Variants in GDA observed in about 807,000 individuals in gnomAD.
The protein encoded by GDA is guanine deaminase, also known as cytoplasmic PSD-95 interactor.
GDA carries 18 observed loss-of-function variants against 59.6 expected under a neutral mutation model. That is an observed-to-expected ratio of 0.30 (90% CI 0.21 to 0.45). The LOEUF is 0.45. Ranked by LOEUF, GDA falls within the 20% of genes least tolerant of loss-of-function variation. The pLI is 1.00. For missense variants in GDA, 427 were observed against 552.3 expected (o/e 0.77, Z 2.27); for synonymous variants, 201 against 201.1 (o/e 1.00, Z 0.00).
At chr9:72,223,793 C>T (rs1051826452) in intron 7 of GDA, among the ~76,000 whole-genome samples, 1 of 152,114 alleles carries the variant, frequency 6.6e-6, no homozygotes, top group South Asian at 2.1e-4. Context: ...AAGCTTATAT[C>T]TGGGTTAAAA....
Position 72,241,230 on chromosome 9 carries a change from A to T in GDA, c.1067A>T (p.Asn356Ile). 1 of 1,610,244 alleles carries T rather than the reference A, an allele frequency of 6.2e-7. No individual in the cohort carries two copies. Among genetic ancestry groups the T allele is most frequent in the Non-Finnish European group, 8.5e-7 (1 of 1,176,808 alleles). Reference sequence around the variant, plus strand: ...ATGGTTTCCAATATCCTTTTAATTAATAAGGTAAATGAGAAAAGCCTCACC... The same window carrying T: ...ATGGTTTCCAATATCCTTTTAATTATTAAGGTAAATGAGAAAAGCCTCACC... ...AVMVSNILLI[N>I]KVNEKSLTLK... Residue 356 changes from asparagine to isoleucine, a missense_variant, in exon 11 of 14, where the codon AAT (asparagine) becomes ATT (isoleucine). Coordinates refer to ENST00000358399, the MANE Select transcript of GDA (RefSeq NM_004293.5).
chr9:72,146,119 C>G (rs908381543), upstream of GDA, among the ~76,000 whole-genome samples: 3 of 133,548 alleles, frequency 2.2e-5, no homozygotes, highest in Non-Finnish European at 4.6e-5. Context: ...GTAAAGATAT[C>G]CTGGATAAAG....
Position 72,250,659 on chromosome 9 carries a change from A to G in GDA, c.*2317A>G. 6.2e-7 allele frequency: 1 copy of G among 1,607,166 alleles called. No homozygotes were observed. Among genetic ancestry groups the G allele is most frequent in the Admixed American group, 1.7e-5 (1 of 59,682 alleles). On this transcript the variant is annotated 3_prime_UTR_variant, in exon 14 of 14. Transcript: ENST00000358399. ...GCACTTTGAAATGTTGCCTTTGCCT[A>G]ATGTAGGTTGACTTTCTGAATTGTG...
downstream of GDA, among the ~76,000 whole-genome samples, chr9:72,259,684 T>C (rs1011217458): frequency 1.3e-5 from 2 of 152,000 alleles, no homozygotes; most frequent in African/African-American, 4.8e-5. Context: ...CTGCCCCAAT[T>C]ATTATAGCAA....
intron 1 of GDA, among the ~76,000 whole-genome samples, chr9:72,137,153 TA>T (rs1348724203): frequency 1.3e-5 from 2 of 150,958 alleles, no homozygotes; most frequent in African/African-American, 4.9e-5. Flanking sequence ...GAGTGAAATT[TA>T]AGATCCTTTA....
intron 1 of GDA, among the ~76,000 whole-genome samples, chr9:72,167,060 G>A (rs575218297): frequency 6.6e-6 from 1 of 152,168 alleles, no homozygotes; most frequent in East Asian, 1.9e-4. Flanking sequence ...TTGTTTGTTT[G>A]TTTTTGGATA....
At chr9:72,146,723 C>G (rs1202634342), upstream of GDA, among the ~76,000 whole-genome samples, 1 of 152,148 alleles carries the variant, frequency 6.6e-6, no homozygotes, top group African/African-American at 2.4e-5. Context: ...AACTCCTCAC[C>G]TCAAGTGATC....
intron 2 of GDA, among the ~76,000 whole-genome samples, chr9:72,196,523 G>A (rs1833202860): frequency 6.6e-6 from 1 of 150,842 alleles, no homozygotes; most frequent in South Asian, 2.1e-4. Flanking sequence ...TCATAGCCTG[G>A]TTGATATGCT....
chr9:72,150,728 G>C (rs1369388264), intron 1 of GDA, among the ~76,000 whole-genome samples: 1 of 152,176 alleles, frequency 6.6e-6, no homozygotes, highest in Non-Finnish European at 1.5e-5. Flanking sequence ...TTTGAATCGT[G>C]ACTCTTACAT....
chr9:72,162,916 C>G (rs1828832405), intron 1 of GDA, among the ~76,000 whole-genome samples: 2 of 152,304 alleles, frequency 1.3e-5, no homozygotes, highest in South Asian at 2.1e-4. Flanking sequence ...CTCGGCCTCC[C>G]AAAGTGCTGG....
chr9:72,210,065 C>G (rs1835174561), intron 3 of GDA, among the ~76,000 whole-genome samples: 1 of 152,202 alleles, frequency 6.6e-6, no homozygotes, highest in Non-Finnish European at 1.5e-5. Flanking sequence ...AGGGTTTAAT[C>G]ATACCTGCAT....
intron 1 of GDA, among the ~76,000 whole-genome samples, chr9:72,190,475 A>C (rs1832398912): frequency 6.6e-6 from 1 of 152,192 alleles, no homozygotes; most frequent in Non-Finnish European, 1.5e-5. Context: ...AGTATATAAT[A>C]CATATAATAT....
At position 72,250,093 on chromosome 9, in the gene GDA, C is replaced by T. The variant is rs1046205690; in HGVS notation, c.*1751C>T. ...TCCAATATTTCTAATTCCTGAGCCA[C>T]GTCAAAGATGCCTTGCCAAATTTCT... is the stretch of plus-strand genomic sequence containing the variant. On this transcript the variant is annotated 3_prime_UTR_variant, in exon 14 of 14. Coordinates refer to ENST00000358399, the MANE Select transcript of GDA (RefSeq NM_004293.5). 3.0e-6 allele frequency: 3 copies of T among 984,200 alleles called. No individual in the cohort carries two copies. The highest frequency in any genetic ancestry group is 4.7e-5 in the South Asian group (1 of 21,252). 61.0% of individuals were successfully genotyped at this position (984,200 alleles called of 1,614,324 possible).
At chr9:72,217,461 G>A (rs150910243) in intron 5 of GDA, among the ~76,000 whole-genome samples, 62 of 152,260 alleles carry the variant, frequency 4.1e-4, no homozygotes, top group South Asian at 1.4e-3. Context: ...ACACTGCGTC[G>A]AATTAAAGTT....
upstream of GDA, among the ~76,000 whole-genome samples, chr9:72,149,111 C>G (rs576257903): frequency 6.2e-4 from 94 of 152,350 alleles, 2 homozygotes; most frequent in South Asian, 0.019. Context: ...GACCTTTCAC[C>G]TGTGCCTGAA....
chr9:72,174,082 A>G (rs889634720), intron 1 of GDA, among the ~76,000 whole-genome samples: 1 of 152,204 alleles, frequency 6.6e-6, no homozygotes, highest in Non-Finnish European at 1.5e-5. Flanking sequence ...AAAAACTTCT[A>G]GAGAATAAAT....
chr9:72,163,300 G>C (rs1451035142), intron 1 of GDA, among the ~76,000 whole-genome samples: 1 of 152,102 alleles, frequency 6.6e-6, no homozygotes, highest in African/African-American at 2.4e-5. Flanking sequence ...CATTTTATTT[G>C]GGAAGAAAAA....
At chr9:72,170,498 A>G (rs532275084) in intron 1 of GDA, among the ~76,000 whole-genome samples, 178 of 152,262 alleles carry the variant, frequency 1.2e-3, no homozygotes, top group African/African-American at 4.1e-3. Context: ...TATAAAAGGG[A>G]TTCTATCACT....
chr9:72,166,655 T>C (rs1013706779), intron 1 of GDA, among the ~76,000 whole-genome samples: 16 of 152,206 alleles, frequency 1.1e-4, no homozygotes, highest in Non-Finnish European at 2.2e-4. Context: ...TAATATATTA[T>C]TTATAAGTAA....
Sources: gnomAD v4.1 joint callset for allele counts (sites outside exome capture counted in the v4.1 genomes callset) on GRCh38, gnomAD v4.1.1 for gene constraint, MANE v1.5 for transcripts, NCBI Gene and HGNC (gene_info 2026-07-23, HGNC 2026-07-21) for gene names.